The following STX8 variants were observed in gnomAD, a reference collection of about 807,000 sequenced individuals.
STX8 encodes syntaxin-8.
STX8 carries 23 observed loss-of-function variants against 37.5 expected under a neutral mutation model. That is an observed-to-expected ratio of 0.61 (90% confidence interval 0.44 to 0.87). The LOEUF is 0.87. Among genes scored for constraint, STX8 ranks in the 40% least tolerant of loss-of-function variants. STX8 has a pLI of 0.00. For missense variants in STX8, 313 were observed against 284.7 expected (o/e 1.10, Z -0.71); for synonymous variants, 115 against 99.1 (o/e 1.16, Z -0.95).
chr17:9,464,235 C>T (rs898009), intron 6 of STX8, among the ~76,000 whole-genome samples: 2 of 152,146 alleles, frequency 1.3e-5, no homozygotes, highest in Non-Finnish European at 2.9e-5. Flanking sequence ...TAGAAAGAAA[C>T]ATTTTTCTCA....
At chr17:9,416,608 C>G (rs1913207429) in intron 6 of STX8, among the ~76,000 whole-genome samples, 5 of 151,652 alleles carry the variant, frequency 3.3e-5, no homozygotes, top group Admixed American at 3.3e-4. Flanking sequence ...ACCTCGTGAT[C>G]TGCCCACCTT....
At chr17:9,555,617 C>G (rs989100290) in intron 3 of STX8, 2 of 152,192 alleles carry the variant, frequency 1.3e-5, no homozygotes, top group Non-Finnish European at 2.9e-5. Context: ...AAAAATTGGG[C>G]CGGGCGCGGT....
At chr17:9,466,425 A>C (rs1905616947) in intron 6 of STX8, among the ~76,000 whole-genome samples, 1 of 152,190 alleles carries the variant, frequency 6.6e-6, no homozygotes, top group Non-Finnish European at 1.5e-5. Context: ...GAGTGGACTA[A>C]ATTCATTAAT....
chr17:9,455,387 C>A (rs554297078), intron 6 of STX8, among the ~76,000 whole-genome samples: 9 of 151,884 alleles, frequency 5.9e-5, no homozygotes, highest in Non-Finnish European at 1.0e-4. Flanking sequence ...GTAATCCCAG[C>A]TACTCGGGAC....
intron 6 of STX8, among the ~76,000 whole-genome samples, chr17:9,480,924 G>A (rs555535023): frequency 3.4e-5 from 5 of 147,880 alleles, no homozygotes; most frequent in African/African-American, 1.3e-4. Flanking sequence ...TTGCTCTGTC[G>A]CCCAGGCTGG....
chr17:9,513,581 A>T (rs1905086805), intron 4 of STX8, among the ~76,000 whole-genome samples: 2 of 152,196 alleles, frequency 1.3e-5, no homozygotes, highest in South Asian at 4.1e-4. Flanking sequence ...TGGAAATGTA[A>T]ACTAGTACAG....
At chr17:9,529,310 T>C (rs1214622747) in intron 4 of STX8, among the ~76,000 whole-genome samples, 5 of 152,198 alleles carry the variant, frequency 3.3e-5, no homozygotes, top group African/African-American at 1.2e-4. Context: ...TGTATCTGTA[T>C]GCATATGCAT....
intron 6 of STX8, among the ~76,000 whole-genome samples, chr17:9,393,402 G>A (rs892800396): frequency 5.3e-5 from 8 of 152,214 alleles, no homozygotes; most frequent in Admixed American, 1.3e-4. Flanking sequence ...AACCTGAAAC[G>A]AAGGATGAAC....
At chr17:9,491,690 C>A in intron 6 of STX8, 139 bp downstream of exon 6, 1 of 703,952 alleles carries the variant, frequency 1.4e-6, no homozygotes, top group Non-Finnish European at 2.3e-6. Flanking sequence ...ACAACCCCCA[C>A]TCCAATGCGT....
At chr17:9,511,607 A>G (rs1443314763) in intron 4 of STX8, among the ~76,000 whole-genome samples, 7 of 152,200 alleles carry the variant, frequency 4.6e-5, no homozygotes, top group Admixed American at 3.9e-4. Flanking sequence ...TCAACACAAT[A>G]AAGGCCATAT....
intron 7 of STX8, among the ~76,000 whole-genome samples, chr17:9,323,563 C>T (rs147867865): frequency 2.4e-4 from 36 of 152,038 alleles, no homozygotes; most frequent in African/African-American, 8.2e-4. Context: ...ATCAGAAGAA[C>T]GGTGGGATCA....
At chr17:9,559,756 A>ATTTTTTTTTTTTT (rs1214621506) in intron 2 of STX8, among the ~76,000 whole-genome samples, 4 of 31,132 alleles carry the variant, frequency 1.3e-4, no homozygotes, top group African/African-American at 5.6e-4. Flanking sequence ...ATATATATAT[A>ATTTTTTTTTTTTT]TATATTTTTT....
chr17:9,514,500 G>A (rs1159460475), intron 4 of STX8, among the ~76,000 whole-genome samples: 4 of 152,116 alleles, frequency 2.6e-5, no homozygotes, highest in Non-Finnish European at 5.9e-5. Context: ...AGCTACTTGG[G>A]AGGCTGAGGC....
chr17:9,564,224 T>C (rs972039243), intron 2 of STX8, among the ~76,000 whole-genome samples: 8 of 150,962 alleles, frequency 5.3e-5, no homozygotes, highest in African/African-American at 9.8e-5. Flanking sequence ...CAACATAGTA[T>C]TGGAAGTCCT....
At chr17:9,459,317 C>T (rs988099847) in intron 6 of STX8, among the ~76,000 whole-genome samples, 7 of 152,102 alleles carry the variant, frequency 4.6e-5, no homozygotes, top group African/African-American at 7.2e-5. Context: ...GAAGTGAACT[C>T]GAAATTCTGA....
chr17:9,506,726 T>C (rs1477257195), intron 4 of STX8, among the ~76,000 whole-genome samples: 1 of 152,056 alleles, frequency 6.6e-6, no homozygotes, highest in Non-Finnish European at 1.5e-5. Flanking sequence ...TCCTTGCAAG[T>C]TCTGAGCCCA....
chr17:9,263,269 G>A lies in STX8; in HGVS notation c.644-12624C>T, dbSNP rs192843674. Among the ~76,000 whole-genome samples, 959 of 152,184 alleles carry A rather than the reference G, an allele frequency of 6.3e-3. 9 individuals are homozygous for A. The highest frequency in any genetic ancestry group is 0.01 in the Middle Eastern group (3 of 294). ...AGGAGGGTGGATTACCTGAGGTCGGGAGTTCGAGACCAGCCTGACCAAAAT... is the reference window on the plus strand; with the variant it reads ...AGGAGGGTGGATTACCTGAGGTCGGAAGTTCGAGACCAGCCTGACCAAAAT... On this transcript the variant is annotated intron_variant, in intron 7 of 7. Transcript: ENST00000306357.
Position 9,274,744 on chromosome 17 carries a change from C to CTTTTTTTTTTTTTTTTTTTTTTTTTT in STX8, c.644-24100_644-24099insAAAAAAAAAAAAAAAAAAAAAAAAAA, listed in dbSNP as rs201550065. On this transcript the variant is annotated intron_variant, in intron 7 of 7. Transcript: ENST00000306357. ...AAAGTCTTCAAAAATACAACAATTT[C>CTTTTTTTTTTTTTTTTTTTTTTTTTT]TTTTTTCTTTTTTTTTTTTTTTTTT... Among the ~76,000 whole-genome samples, 4 of 88,884 alleles carry CTTTTTTTTTTTTTTTTTTTTTTTTTT rather than the reference C, an allele frequency of 4.5e-5. 1 individual carries two copies. Among genetic ancestry groups the CTTTTTTTTTTTTTTTTTTTTTTTTTT allele is most frequent in the Non-Finnish European group, 9.1e-5 (4 of 44,070 alleles). 58.3% of individuals were successfully genotyped at this position (88,884 alleles called of 152,430 possible).
At chr17:9,508,486 TC>T (rs1904917415) in intron 4 of STX8, among the ~76,000 whole-genome samples, 1 of 152,102 alleles carries the variant, frequency 6.6e-6, no homozygotes, top group Admixed American at 6.6e-5. Flanking sequence ...TGCCATCACA[TC>T]CAGCTAATTT....
Sources: allele counts gnomAD v4.1 joint callset (sites outside exome capture counted in the v4.1 genomes callset), GRCh38; gene constraint gnomAD v4.1.1; transcripts MANE v1.5; gene names NCBI Gene and HGNC (gene_info 2026-07-23, HGNC 2026-07-21).